The following EHF variants were observed in gnomAD, a reference collection of about 807,000 sequenced individuals.
EHF encodes ETS homologous factor.
A neutral mutation model predicts 45.1 loss-of-function variants in EHF; 14 were observed. That is an observed-to-expected ratio of 0.31 (90% CI 0.21 to 0.49). The LOEUF (loss-of-function observed/expected upper bound fraction) is 0.49. Among genes scored for constraint, EHF ranks in the 20% least tolerant of loss-of-function variants. The pLI, the probability that EHF is intolerant of heterozygous loss-of-function variation, is 0.99. For missense variants in EHF, 282 were observed against 371.4 expected, an observed-to-expected ratio of 0.76 and a Z score of 1.98; for synonymous variants, 136 against 131.8, an observed-to-expected ratio of 1.03 and a Z score of -0.22.
intron 1 of EHF, chr11:34,642,235 T>G (rs1181411140): frequency 5.6e-6 from 1 of 177,828 alleles, no homozygotes; most frequent in Non-Finnish European, 1.2e-5. Flanking sequence ...TTTTCATTGT[T>G]TGAAATTGCA....
chr11:34,624,324 C>T (rs1852184696), intron 1 of EHF: 4 of 985,196 alleles, frequency 4.1e-6, no homozygotes, highest in East Asian at 1.1e-4. Flanking sequence ...TTGGGTAAGC[C>T]GGGTCTGCGG....
chr11:34,658,543 G>A lies in EHF; in HGVS notation c.618G>A (p.Gly206=). The A allele has an allele frequency of 6.2e-7, 1 of 1,612,948 alleles. No homozygotes were observed. Among genetic ancestry groups the A allele is most frequent in the Non-Finnish European group, 8.5e-7 (1 of 1,179,396 alleles). The change falls in exon 8 of 9, where the codon GGG becomes GGA. Residue 206 remains glycine, a synonymous_variant. Coordinates refer to ENST00000257831, the MANE Select transcript of EHF (RefSeq NM_012153.6). Reference sequence around the variant, plus strand: ...TCTGCTTTTCATCAGACCCGAGAGGGACTCACTTATGGGAATTCATCCGCG... The same window carrying A: ...TCTGCTTTTCATCAGACCCGAGAGGAACTCACTTATGGGAATTCATCCGCG... ...KCHTKKHNPR[G]THLWEFIRDI...
intron 4 of EHF, 87 bp from the exon 5 acceptor site, chr11:34,651,455 T>A (rs748378210): frequency 6.3e-6 from 7 of 1,114,568 alleles, no homozygotes; most frequent in Non-Finnish European, 9.5e-6. Flanking sequence ...CCCCATACTT[T>A]GTTGATGAAC....
intron 1 of EHF, among the ~76,000 whole-genome samples, chr11:34,625,603 A>G (rs1852312488): frequency 6.6e-6 from 1 of 152,232 alleles, no homozygotes; most frequent in Non-Finnish European, 1.5e-5. Flanking sequence ...TCAACCTTGT[A>G]TCTGGAGAAA....
At chr11:34,643,789 A>G (rs937274104) in intron 2 of EHF, among the ~76,000 whole-genome samples, 1 of 152,216 alleles carries the variant, frequency 6.6e-6, no homozygotes, top group Non-Finnish European at 1.5e-5. Context: ...TGGATTCCAA[A>G]TAAAACTGGA....
intron 6 of EHF, 135 bp from the exon 7 acceptor site, chr11:34,656,773 T>C (rs1855712379): frequency 2.2e-6 from 2 of 916,322 alleles, no homozygotes; most frequent in Non-Finnish European, 3.2e-6. Flanking sequence ...TTTTGTTTGG[T>C]TCACTAGCAC....
intron 1 of EHF, among the ~76,000 whole-genome samples, chr11:34,625,620 CTTGCA>C (rs1852313617): frequency 6.6e-6 from 1 of 152,246 alleles, no homozygotes; most frequent in African/African-American, 2.4e-5. Flanking sequence ...GAAACCAGAA[CTTGCA>C]ACAGGGCCAA....
At chr11:34,639,791 G>A (rs1237741027) in intron 1 of EHF, among the ~76,000 whole-genome samples, 1 of 152,216 alleles carries the variant, frequency 6.6e-6, no homozygotes, top group Non-Finnish European at 1.5e-5. Context: ...CCTTGGAAAG[G>A]GAGTGCCAGC....
intron 2 of EHF, among the ~76,000 whole-genome samples, chr11:34,643,213 T>G (rs1158046192): frequency 6.6e-6 from 1 of 152,014 alleles, no homozygotes. Context: ...GGAGAACAGG[T>G]GTTCTCCCTA....
chr11:34,635,521 A>G (rs1853311228), intron 1 of EHF, among the ~76,000 whole-genome samples: 1 of 137,626 alleles, frequency 7.3e-6, no homozygotes, highest in African/African-American at 2.7e-5. Flanking sequence ...GTGCGATCTC[A>G]GCTCACTGCA....
intron 1 of EHF, among the ~76,000 whole-genome samples, chr11:34,626,505 G>GATTTCATCTAGTCAGCCTC (rs1296432935): frequency 6.6e-6 from 1 of 152,162 alleles, no homozygotes; most frequent in Non-Finnish European, 1.5e-5. Context: ...ATCTTGTCAT[G>GATTTCATCTAGTCAGCCTC]ATTTCATCTA....
At chr11:34,623,482 C>T (rs899387649) in intron 1 of EHF, among the ~76,000 whole-genome samples, 5 of 152,188 alleles carry the variant, frequency 3.3e-5, no homozygotes, top group Admixed American at 2.6e-4. Flanking sequence ...CATTCCCACT[C>T]GCGATTCCAT....
rs1565034194 is a variant in EHF at position 34,642,736 on chromosome 11, G to T, written c.97+9G>T. 1 of 1,604,964 alleles carries T rather than the reference G, an allele frequency of 6.2e-7. No individual in the cohort carries two copies. The highest frequency in any genetic ancestry group is 8.5e-7 in the Non-Finnish European group (1 of 1,171,796). Reference sequence around the variant, plus strand: ...CTACTCCACGTGCAATGGTAAGAGGGCCTGTGGGTGTTGGTGTCACTGCTG... The same window carrying T: ...CTACTCCACGTGCAATGGTAAGAGGTCCTGTGGGTGTTGGTGTCACTGCTG... On this transcript the variant is annotated intron_variant, in intron 2 of 8. Coordinates refer to ENST00000257831, the MANE Select transcript of EHF (RefSeq NM_012153.6).
intron 3 of EHF, among the ~76,000 whole-genome samples, 172 bp from the exon 4 acceptor site, chr11:34,648,847 C>T (rs533961651): frequency 6.6e-6 from 1 of 152,274 alleles, no homozygotes; most frequent in African/African-American, 2.4e-5. Context: ...TCAGAGACTG[C>T]AGGCTTGAGT....
chr11:34,624,533 C>T (rs1200855922), intron 1 of EHF, among the ~76,000 whole-genome samples: 1 of 152,124 alleles, frequency 6.6e-6, no homozygotes, highest in Non-Finnish European at 1.5e-5. Flanking sequence ...TTATTAAAAA[C>T]GTGTTTACTT....
intron 4 of EHF, among the ~76,000 whole-genome samples, chr11:34,649,715 A>G (rs1854956446): frequency 6.6e-6 from 1 of 152,068 alleles, no homozygotes; most frequent in East Asian, 1.9e-4. Context: ...TCTCCTGGAG[A>G]CTGTCCTCCA....
chr11:34,636,313 C>T (rs986482124), intron 1 of EHF, among the ~76,000 whole-genome samples: 16 of 152,300 alleles, frequency 1.1e-4, no homozygotes, highest in African/African-American at 3.6e-4. Context: ...AATAACTTGT[C>T]CAAACTTGCC....
rs201722091 is a variant in EHF at position 34,658,562 on chromosome 11, A to G, written c.637A>G (p.Ile213Val). 2.3e-5 allele frequency: 37 copies of G among 1,613,334 alleles called. No individual in the cohort carries two copies. The highest frequency in any genetic ancestry group is 1.7e-5 in the Non-Finnish European group (20 of 1,179,620). ...GAGAGGGACTCACTTATGGGAATTCATCCGCGACATCCTCTTGAACCCAGA... is the reference window on the plus strand; with the variant it reads ...GAGAGGGACTCACTTATGGGAATTCGTCCGCGACATCCTCTTGAACCCAGA... ...NPRGTHLWEFIRDILLNPDKN... is the reference protein window; with the variant it reads ...NPRGTHLWEFVRDILLNPDKN... The change falls in exon 8 of 9, where the codon ATC becomes GTC. Residue 213 changes from isoleucine to valine, a missense_variant. Coordinates refer to ENST00000257831, the MANE Select transcript of EHF (RefSeq NM_012153.6).
At chr11:34,625,346 T>C (rs558763228) in intron 1 of EHF, among the ~76,000 whole-genome samples, 35 of 152,322 alleles carry the variant, frequency 2.3e-4, no homozygotes, top group African/African-American at 8.2e-4. Flanking sequence ...GAACAGCCTA[T>C]GCACAGGGGC....
Sources: gnomAD v4.1 joint callset for allele counts (sites outside exome capture counted in the v4.1 genomes callset) on GRCh38, gnomAD v4.1.1 for gene constraint, MANE v1.5 for transcripts, NCBI Gene and HGNC (gene_info 2026-07-23, HGNC 2026-07-21) for gene names.